Variants in FBXL17 observed in about 807,000 individuals in gnomAD.
FBXL17 encodes the protein F-box and leucine rich repeat protein 17.
In FBXL17, 22 loss-of-function variants were observed where a neutral mutation model predicts 66.2. The observed-to-expected ratio is 0.33, with a 90% CI of 0.24 to 0.47. The LOEUF is 0.47. Among genes scored for constraint, FBXL17 ranks in the 20% least tolerant of loss-of-function variants. The probability of loss-of-function intolerance (pLI) is 1.00; values close to 1 mark genes in which losing one functional copy is unlikely to be tolerated. For synonymous variants in FBXL17, 474 were observed against 400.5 expected (o/e 1.18, Z -2.19); for missense variants, 878 against 948.2 (o/e 0.93, Z 0.97).
At chr5:108,244,676 G>A (rs1283147424) in intron 4 of FBXL17, among the ~76,000 whole-genome samples, 1 of 152,060 alleles carries the variant, frequency 6.6e-6, no homozygotes, top group Non-Finnish European at 1.5e-5. Flanking sequence ...ATTATGACAT[G>A]TTGCACCTAC....
chr5:108,310,376 T>C (rs564580104), intron 4 of FBXL17, among the ~76,000 whole-genome samples: 115 of 152,334 alleles, frequency 7.5e-4, no homozygotes, highest in African/African-American at 2.7e-3. Flanking sequence ...CTACATGTTT[T>C]TACTCTAAGA....
At chr5:107,889,891 C>T (rs1749135636) in intron 7 of FBXL17, among the ~76,000 whole-genome samples, 1 of 152,088 alleles carries the variant, frequency 6.6e-6, no homozygotes, top group South Asian at 2.1e-4. Context: ...ATGTCAAAAA[C>T]AAGGGGCATA....
intron 6 of FBXL17, among the ~76,000 whole-genome samples, chr5:108,161,185 CAT>C (rs1752202124): frequency 6.6e-6 from 1 of 151,900 alleles, no homozygotes; most frequent in Admixed American, 6.6e-5. Context: ...TACATACATA[CAT>C]ACATACATAC....
rs940641672 is a variant in FBXL17, at chr5:107,859,530, A to C, written c.*2190T>G. ...CTTTCTGGATTAGTCAACATTTTAG[A>C]GAATAAGTGCAAGTCCCCACCCCAC... On this transcript the variant is annotated 3_prime_UTR_variant, in exon 9 of 9. Transcript: ENST00000542267. 1 of 150,750 alleles carries C rather than the reference A, an allele frequency of 6.6e-6. No homozygotes were observed. The highest frequency in any genetic ancestry group is 1.5e-5 in the Non-Finnish European group (1 of 67,824). The allele number at this position is 150,750 out of a possible 1,614,324, so 9.3% of individuals were successfully genotyped here.
At chr5:108,077,871 C>T (rs1472338605) in intron 6 of FBXL17, among the ~76,000 whole-genome samples, 1 of 152,054 alleles carries the variant, frequency 6.6e-6, no homozygotes, top group Non-Finnish European at 1.5e-5. Flanking sequence ...TAAAACTGTG[C>T]TTTTCTTAAA....
chr5:107,923,075 CTAATAAA>C (rs1207315930), intron 7 of FBXL17, among the ~76,000 whole-genome samples: 3 of 151,842 alleles, frequency 2.0e-5, no homozygotes, highest in Non-Finnish European at 4.4e-5. Context: ...TCATGAAAGG[CTAATAAA>C]TAATAGAGTC....
intron 8 of FBXL17, among the ~76,000 whole-genome samples, chr5:107,865,286 CT>C (rs1748240621): frequency 6.6e-6 from 1 of 152,162 alleles, no homozygotes; most frequent in Non-Finnish European, 1.5e-5. Context: ...TATGTGATAA[CT>C]GTTTTCCAGG....
intron 3 of FBXL17, among the ~76,000 whole-genome samples, chr5:108,362,349 TA>T: frequency 6.6e-6 from 1 of 152,278 alleles, no homozygotes; most frequent in South Asian, 2.1e-4. Context: ...TCACATAATA[TA>T]GTAACAATGC....
At chr5:108,244,920 G>C (rs1413523496) in intron 4 of FBXL17, among the ~76,000 whole-genome samples, 1 of 152,056 alleles carries the variant, frequency 6.6e-6, no homozygotes, top group Non-Finnish European at 1.5e-5. Context: ...TTTGATACTT[G>C]AATATGGCAG....
chr5:108,364,953 T>G lies in FBXL17; in HGVS notation c.1159A>C (p.Asn387His). 6.2e-7 allele frequency: 1 copy of G among 1,611,732 alleles called. No individual in the cohort carries two copies. The highest frequency in any genetic ancestry group is 8.5e-7 in the Non-Finnish European group (1 of 1,178,330). The change falls in exon 3 of 9, where the codon AAT becomes CAT. Residue 387 changes from asparagine to histidine, a missense_variant. By Grantham distance (68) the Asn-to-His change is moderately conservative. This residue lies in a region of FBXL17 where 236 missense variants were observed against 389.1 expected (regional missense o/e 0.61). Coordinates refer to ENST00000542267, the MANE Select transcript of FBXL17 (RefSeq NM_001163315.3). ...LLEKIASRSQNIIEINISDCR... is the reference protein window; with the variant it reads ...LLEKIASRSQHIIEINISDCR... ...TCAGAAATGTTGATTTCAATTATAT[T>G]CTGACTTCTTGATGCAATTTTTTCC...
chr5:108,273,690 C>T (rs1561500554), intron 4 of FBXL17, among the ~76,000 whole-genome samples: 1 of 151,834 alleles, frequency 6.6e-6, no homozygotes, highest in East Asian at 1.9e-4. Flanking sequence ...AGCCTAAGAG[C>T]ATCAGAGAAA....
intron 8 of FBXL17, among the ~76,000 whole-genome samples, chr5:107,873,897 CCTT>C (rs1407800787): frequency 1.3e-5 from 2 of 152,186 alleles, no homozygotes; most frequent in South Asian, 2.1e-4. Flanking sequence ...TAGGCTCTCT[CCTT>C]CTCCCTTTTA....
chr5:108,053,743 C>A (rs1446589550), intron 6 of FBXL17, among the ~76,000 whole-genome samples: 1 of 152,178 alleles, frequency 6.6e-6, no homozygotes, highest in Non-Finnish European at 1.5e-5. Flanking sequence ...CCATTTGACC[C>A]AGCAATCCCA....
intron 4 of FBXL17, among the ~76,000 whole-genome samples, chr5:108,257,062 C>T (rs1166760534): frequency 6.6e-6 from 1 of 152,168 alleles, no homozygotes; most frequent in Non-Finnish European, 1.5e-5. Flanking sequence ...GTCCATTAGG[C>T]TTGGATCACA....
At chr5:107,911,357 A>T (rs549046654) in intron 7 of FBXL17, among the ~76,000 whole-genome samples, 2 of 152,262 alleles carry the variant, frequency 1.3e-5, no homozygotes, top group South Asian at 2.1e-4. Context: ...CACATATAAA[A>T]AGCAAATTCC....
intron 6 of FBXL17, among the ~76,000 whole-genome samples, chr5:108,180,495 G>A (rs1233795595): frequency 6.6e-6 from 1 of 151,490 alleles, no homozygotes; most frequent in Non-Finnish European, 1.5e-5. Context: ...AACAGAGCAT[G>A]ACTCCGTCTT....
chr5:107,936,760 A>G (rs921642929), intron 7 of FBXL17, among the ~76,000 whole-genome samples: 21 of 152,086 alleles, frequency 1.4e-4, no homozygotes, highest in Non-Finnish European at 2.2e-4. Flanking sequence ...TTCTGACCTA[A>G]CATTGGACCA....
intron 4 of FBXL17, among the ~76,000 whole-genome samples, chr5:108,288,548 A>G (rs1019010322): frequency 1.3e-5 from 2 of 151,988 alleles, no homozygotes; most frequent in African/African-American, 4.8e-5. Context: ...ATGTAGCTCT[A>G]TTGCAAATGT....
Position 108,226,937 on chromosome 5 carries a change from C to T in FBXL17, c.1507-2709G>A, listed in dbSNP as rs545193060. Among the ~76,000 whole-genome samples, 5 of 152,232 alleles carry T rather than the reference C, an allele frequency of 3.3e-5. No individual in the cohort carries two copies. In the East Asian group the frequency reaches 7.7e-4, roughly 24 times the overall value. ...TTTTTGTACTTCTCAAGCCTTCAGA[C>T]TTGGACTGAGACTATACCAATGGCT... is the stretch of plus-strand genomic sequence containing the variant. On this transcript the variant is annotated intron_variant, in intron 4 of 8. Coordinates refer to ENST00000542267, the MANE Select transcript of FBXL17 (RefSeq NM_001163315.3).
Sources: allele counts gnomAD v4.1 joint callset (sites outside exome capture counted in the v4.1 genomes callset), GRCh38; gene constraint gnomAD v4.1.1; regional missense constraint gnomAD v4.1.1; transcripts MANE v1.5; gene names NCBI Gene and HGNC (gene_info 2026-07-23, HGNC 2026-07-21).